Variants in NUP37 observed in about 807,000 individuals in gnomAD.
NUP37 encodes nucleoporin Nup37.
Under a neutral mutation model 45.4 loss-of-function variants are expected in NUP37, and 33 were observed. The observed-to-expected ratio is 0.73, with a 90% CI of 0.55 to 0.97. The LOEUF (loss-of-function observed/expected upper bound fraction) is 0.97, where lower values mean the gene tolerates loss of function less well. Among genes scored for constraint, NUP37 ranks in the 50% least tolerant of loss-of-function variants. The probability of loss-of-function intolerance (pLI) is 0.00; values close to 1 mark genes in which losing one functional copy is unlikely to be tolerated. For missense variants in NUP37, 365 were observed against 389.7 expected (o/e 0.94, Z 0.53); for synonymous variants, 127 against 130.7 (o/e 0.97, Z 0.19).
intron 3 of NUP37, among the ~76,000 whole-genome samples, chr12:102,110,677 A>G (rs1274907232): frequency 6.6e-6 from 1 of 152,150 alleles, no homozygotes; most frequent in Non-Finnish European, 1.5e-5. Flanking sequence ...CCCTGTCCCT[A>G]CAAAAAATAC....
intron 5 of NUP37, among the ~76,000 whole-genome samples, chr12:102,097,689 T>C (rs10507141): frequency 6.6e-5 from 10 of 152,102 alleles, no homozygotes; most frequent in African/African-American, 2.2e-4. Context: ...GGTTTCATTA[T>C]TCCAAATGCT....
intron 5 of NUP37, among the ~76,000 whole-genome samples, chr12:102,087,076 G>A (rs1468159168): frequency 6.6e-6 from 1 of 152,074 alleles, no homozygotes; most frequent in East Asian, 1.9e-4. Flanking sequence ...CTCCAGCCTG[G>A]GTGACAGAGA....
chr12:102,086,849 T>C (rs887108008), intron 5 of NUP37, among the ~76,000 whole-genome samples: 9 of 152,170 alleles, frequency 5.9e-5, no homozygotes, highest in Admixed American at 2.0e-4. Context: ...TTTGGGAGGC[T>C]GAGACAGAAG....
At chr12:102,104,504 T>A (rs1404525513) in intron 3 of NUP37, among the ~76,000 whole-genome samples, 1 of 152,244 alleles carries the variant, frequency 6.6e-6, no homozygotes. Flanking sequence ...TTTGCTTTTG[T>A]TGCCTGTGCT....
chr12:102,116,945 T>C (rs1391974433), intron 2 of NUP37, among the ~76,000 whole-genome samples: 1 of 152,118 alleles, frequency 6.6e-6, no homozygotes, highest in Non-Finnish European at 1.5e-5. Context: ...GAGGTTGCAG[T>C]GAGCAGAGAT....
chr12:102,092,627 CA>C (rs1879687760), intron 5 of NUP37, among the ~76,000 whole-genome samples: 1 of 152,072 alleles, frequency 6.6e-6, no homozygotes, highest in African/African-American at 2.4e-5. Context: ...AAACATTTTG[CA>C]AAAGAATTCA....
At chr12:102,095,818 G>A (rs952831435) in intron 5 of NUP37, among the ~76,000 whole-genome samples, 3 of 151,936 alleles carry the variant, frequency 2.0e-5, no homozygotes, top group East Asian at 3.9e-4. Flanking sequence ...ACTAACATGA[G>A]CTTTTATCCT....
chr12:102,085,387 A>C (rs1246969585), intron 6 of NUP37, among the ~76,000 whole-genome samples: 1 of 152,090 alleles, frequency 6.6e-6, no homozygotes, highest in Non-Finnish European at 1.5e-5. Context: ...ACACCACTGC[A>C]CTCCAACCTG....
chr12:102,075,182 C>T (rs1879135539), intron 8 of NUP37, 88 bp from the exon 9 acceptor site: 3 of 809,400 alleles, frequency 3.7e-6, no homozygotes, highest in Non-Finnish European at 5.7e-6. Context: ...TTTTCTTTTT[C>T]TTTTTTTTTA....
At chr12:102,088,428 C>A (rs1295426263) in intron 5 of NUP37, among the ~76,000 whole-genome samples, 5 of 152,102 alleles carry the variant, frequency 3.3e-5, no homozygotes, top group Non-Finnish European at 7.4e-5. Flanking sequence ...AAAAGAATGG[C>A]ACCTAAATCA....
At chr12:102,075,118 T>TTAAGA (rs1879133139) in intron 8 of NUP37, 24 bp from the exon 9 acceptor site, 4 of 1,440,218 alleles carry the variant, frequency 2.8e-6, no homozygotes, top group Non-Finnish European at 3.9e-6. Flanking sequence ...AAGCGTAAAA[T>TTAAGA]TAAGTATCGT....
rs1565827677 is a variant in NUP37 at position 102,077,438 on chromosome 12, T to C, written c.606A>G (p.Leu202=). 6.2e-7 allele frequency: 1 copy of C among 1,613,962 alleles called. No individual in the cohort carries two copies. Among genetic ancestry groups the C allele is most frequent in the South Asian group, 1.1e-5 (1 of 91,088 alleles). Residue 202 remains leucine (L), a synonymous_variant, in exon 7 of 10, where the codon TTA becomes TTG. Transcript: ENST00000552283. ...FYDLLAQQAI[L]SLESEQVPLM... ...ATGGCACTTGTTCTGATTCAAGAGA[T>C]AAAATAGCCTGTTGGGCCAAAAGAT...
At chr12:102,084,257 A>G (rs1447441282) in intron 6 of NUP37, among the ~76,000 whole-genome samples, 6 of 152,216 alleles carry the variant, frequency 3.9e-5, no homozygotes, top group Admixed American at 3.9e-4. Context: ...AATGCTGACT[A>G]TAGGCCTGGC....
At chr12:102,086,816 G>A (rs1879484822) in intron 5 of NUP37, among the ~76,000 whole-genome samples, 1 of 152,206 alleles carries the variant, frequency 6.6e-6, no homozygotes, top group South Asian at 2.1e-4. Context: ...GGGTGCCATG[G>A]CTCATGCCTG....
At chr12:102,091,510 C>T (rs1327544365) in intron 5 of NUP37, among the ~76,000 whole-genome samples, 2 of 149,200 alleles carry the variant, frequency 1.3e-5, no homozygotes, top group Non-Finnish European at 3.0e-5. Context: ...TTTCTCAAAG[C>T]ATAAAAGTAT....
intron 3 of NUP37, among the ~76,000 whole-genome samples, chr12:102,107,001 C>T (rs1314619551): frequency 6.6e-6 from 1 of 152,132 alleles, no homozygotes; most frequent in Non-Finnish European, 1.5e-5. Context: ...TTCCTTACAC[C>T]CCACAATTCC....
At chr12:102,087,911 T>A (rs893974023) in intron 5 of NUP37, among the ~76,000 whole-genome samples, 2 of 152,164 alleles carry the variant, frequency 1.3e-5, no homozygotes, top group African/African-American at 4.8e-5. Context: ...TGTATTCCTG[T>A]CCAATGAACC....
chr12:102,080,915 T>TA (rs1461234025), intron 6 of NUP37, among the ~76,000 whole-genome samples: 7 of 152,264 alleles, frequency 4.6e-5, no homozygotes, highest in African/African-American at 1.7e-4. Flanking sequence ...AGGTATAACT[T>TA]ATGGACTACG....
rs74241017 is a variant in NUP37, at chr12:102,074,171, G to C, written c.*183C>G. On this transcript the variant is annotated 3_prime_UTR_variant, in exon 10 of 10. Coordinates refer to ENST00000552283, the MANE Select transcript of NUP37 (RefSeq NM_024057.4). The stretch of plus-strand genomic sequence containing the variant: ...AAAAATATATATATATACACACACA[G>C]AGAACAGAGTAGAAAAATAATTTTT... The C allele has an allele frequency of 4.3e-5, 16 of 373,888 alleles. No individual in the cohort carries two copies. The highest frequency in any genetic ancestry group is 2.5e-4 in the East Asian group (3 of 12,048). The allele number at this position is 373,888 out of a possible 1,614,324, so 23.2% of individuals were successfully genotyped here. A position where few individuals can be genotyped will look rare whatever the true frequency, so the allele number is the denominator to read the frequency against.
Sources: allele counts gnomAD v4.1 joint callset (sites outside exome capture counted in the v4.1 genomes callset), GRCh38; gene constraint gnomAD v4.1.1; transcripts MANE v1.5; gene names NCBI Gene and HGNC (gene_info 2026-07-23, HGNC 2026-07-21).